ITGA11: variants seen among roughly 807,000 people sequenced by gnomAD.
The protein encoded by ITGA11 is integrin alpha-11.
A neutral mutation model predicts 141.9 loss-of-function variants in ITGA11; 97 were observed. That is an observed-to-expected ratio of 0.68 (90% confidence interval 0.58 to 0.81). The LOEUF is 0.81. Among genes scored for constraint, ITGA11 ranks in the 30% least tolerant of loss-of-function variants. The probability of loss-of-function intolerance (pLI) is 0.00; values close to 1 mark genes in which losing one functional copy is unlikely to be tolerated. For synonymous variants in ITGA11, 658 were observed against 624.6 expected, an observed-to-expected ratio of 1.05 and a Z score of -0.80; for missense variants, 1,387 against 1,559.2, an observed-to-expected ratio of 0.89 and a Z score of 1.86.
rs1462383206 is a variant in ITGA11, at chr15:68,296,533, G to T, written c.*6526C>A. The T allele has an allele frequency of 6.6e-6, 1 of 152,008 alleles. No individual in the cohort carries two copies. Among genetic ancestry groups the T allele is most frequent in the African/African-American group, 2.4e-5 (1 of 41,396 alleles). The allele number at this position is 152,008 out of a possible 1,614,324, so 9.4% of individuals were successfully genotyped here. On this transcript the variant is annotated 3_prime_UTR_variant, in exon 30 of 30. Transcript: ENST00000315757. The stretch of plus-strand genomic sequence containing the variant: ...TGATTAATGAAAAATAGCATTTCAT[G>T]GTTTGATTTGTATGCCTTTATTATG...
chr15:68,373,839 G>A (rs1895658160), intron 2 of ITGA11, among the ~76,000 whole-genome samples: 1 of 152,302 alleles, frequency 6.6e-6, no homozygotes, highest in Middle Eastern at 3.4e-3. Flanking sequence ...TTGACAGTGG[G>A]AGAGCTGAGA....
Position 68,348,809 on chromosome 15 carries a change from GC to G in ITGA11, c.1131+20del, listed in dbSNP as rs1894817174. ...TCGAGAGACAGAGGCTGGGCTCTGTGCCCGTACCTCCACCACATACCTCCAC... is the reference window on the plus strand; with the variant it reads ...TCGAGAGACAGAGGCTGGGCTCTGTGCCGTACCTCCACCACATACCTCCAC... On this transcript the variant is annotated intron_variant, in intron 10 of 29. Coordinates refer to ENST00000315757, the MANE Select transcript of ITGA11 (RefSeq NM_001004439.2). 2 of 1,597,220 alleles carry G rather than the reference GC, an allele frequency of 1.3e-6. No homozygotes were observed. Among genetic ancestry groups the G allele is most frequent in the Non-Finnish European group, 1.7e-6 (2 of 1,171,238 alleles).
At chr15:68,348,007 G>A (rs1033178173) in intron 10 of ITGA11, among the ~76,000 whole-genome samples, 2 of 152,156 alleles carry the variant, frequency 1.3e-5, no homozygotes, top group African/African-American at 4.8e-5. Context: ...AGCACGTATC[G>A]ATACTGACAG....
intron 4 of ITGA11, among the ~76,000 whole-genome samples, chr15:68,362,223 A>G (rs1371109685): frequency 6.6e-6 from 1 of 152,210 alleles, no homozygotes; most frequent in African/African-American, 2.4e-5. Context: ...ATGTTCTACC[A>G]AAAACACTGA....
At position 68,317,296 on chromosome 15, in the gene ITGA11, A is replaced by G. The variant is rs1369460452; in HGVS notation, c.2684T>C (p.Val895Ala). 1.2e-6 allele frequency: 2 copies of G among 1,613,782 alleles called. No individual in the cohort carries two copies. Among genetic ancestry groups the G allele is most frequent in the South Asian group, 2.2e-5 (2 of 91,066 alleles). Residue 895 changes from valine to alanine, a missense_variant, in exon 21 of 30, where the codon GTC becomes GCC. Coordinates refer to ENST00000315757, the MANE Select transcript of ITGA11 (RefSeq NM_001004439.2). ...ERRLQKQVCN[V>A]SYPFFRAKAK... ...CTTGGCCCGGAAGAAGGGATAGCTGACGTTGCAGACTTGCTTCTGGAGCCT... is the reference window on the plus strand; with the variant it reads ...CTTGGCCCGGAAGAAGGGATAGCTGGCGTTGCAGACTTGCTTCTGGAGCCT...
intron 2 of ITGA11, among the ~76,000 whole-genome samples, chr15:68,398,930 A>G (rs1566937822): frequency 6.6e-6 from 1 of 151,618 alleles, no homozygotes; most frequent in Non-Finnish European, 1.5e-5. Context: ...AATAAATGGT[A>G]GGATATACAT....
chr15:68,304,894 C>T lies in ITGA11; in HGVS notation c.3382-1009G>A, dbSNP rs1236735113. 2.6e-5 allele frequency among the ~76,000 whole-genome samples: 4 copies of T among 152,264 alleles called. No homozygotes were observed. The South Asian group carries it at 8.3e-4, about 32-fold the overall frequency. ...GGAATGTGGCCACCACTCCCACCTC[C>T]TGGGCCTGAGTGCCCTCACATCTCC... On this transcript the variant is annotated intron_variant, in intron 28 of 29. Coordinates refer to ENST00000315757, the MANE Select transcript of ITGA11 (RefSeq NM_001004439.2). The surrounding 1 kb of genome is among the most constrained non-coding windows in gnomAD (Gnocchi z 6.1).
At chr15:68,342,133 T>C (rs1487977922) in intron 10 of ITGA11, among the ~76,000 whole-genome samples, 1 of 152,124 alleles carries the variant, frequency 6.6e-6, no homozygotes. Flanking sequence ...ATTTTGAGTT[T>C]AGAAAAATCT....
At chr15:68,399,602 A>G (rs1057486086) in intron 2 of ITGA11, among the ~76,000 whole-genome samples, 3 of 152,160 alleles carry the variant, frequency 2.0e-5, no homozygotes, top group African/African-American at 7.2e-5. Flanking sequence ...TGTGGTTCAT[A>G]TACACCACGG....
chr15:68,431,088 CGCA>C (rs1461409527), intron 1 of ITGA11, among the ~76,000 whole-genome samples: 2 of 152,242 alleles, frequency 1.3e-5, no homozygotes, highest in Non-Finnish European at 2.9e-5. Flanking sequence ...GGCCGTCTTC[CGCA>C]GAACAGCATC....
rs1225605372 is a variant in ITGA11, at chr15:68,327,996, C to T, written c.2068+100G>A. On this transcript the variant is annotated intron_variant, in intron 16 of 29. Coordinates refer to ENST00000315757, the MANE Select transcript of ITGA11 (RefSeq NM_001004439.2). ...AAGGTGGCTCTTGGGCGACCTGGCA[C>T]TTAGCACCCATTTTGGGAAAAGCCC... The T allele has an allele frequency of 3.2e-6, 4 of 1,253,048 alleles. No homozygotes were observed. The African/African-American group carries it at 6.0e-5, about 19-fold the overall frequency. 77.6% of individuals were successfully genotyped at this position (1,253,048 alleles called of 1,614,324 possible).
intron 1 of ITGA11, among the ~76,000 whole-genome samples, chr15:68,405,935 T>G (rs1041892596): frequency 2.6e-5 from 4 of 152,062 alleles, no homozygotes; most frequent in Middle Eastern, 3.2e-3. Context: ...GACACACACA[T>G]GCACAGGCCA....
chr15:68,413,501 A>G (rs1436468238), intron 1 of ITGA11, among the ~76,000 whole-genome samples: 1 of 152,226 alleles, frequency 6.6e-6, no homozygotes, highest in East Asian at 1.9e-4. Flanking sequence ...AGACATGTTT[A>G]TAAGTCAACA....
chr15:68,307,507 G>A lies in ITGA11; in HGVS notation c.3286-64C>T. The A allele has an allele frequency of 6.6e-7, 1 of 1,513,954 alleles. No individual in the cohort carries two copies. The highest frequency in any genetic ancestry group is 9.0e-7 in the Non-Finnish European group (1 of 1,110,254). 93.8% of individuals were successfully genotyped at this position (1,513,954 alleles called of 1,614,324 possible). On this transcript the variant is annotated intron_variant, in intron 27 of 29. Coordinates refer to ENST00000315757, the MANE Select transcript of ITGA11 (RefSeq NM_001004439.2). This position sits in a 1 kb window ranked among gnomAD's most constrained non-coding sequence, Gnocchi z 6.1. ...GCTTTTCTTCCCGTCCCCTCCCCAGGCAGCCCCAGGTGGAAGACATCCCAA... is the reference window on the plus strand; with the variant it reads ...GCTTTTCTTCCCGTCCCCTCCCCAGACAGCCCCAGGTGGAAGACATCCCAA...
At chr15:68,396,315 C>A (rs1220893477) in intron 2 of ITGA11, among the ~76,000 whole-genome samples, 4 of 151,952 alleles carry the variant, frequency 2.6e-5, no homozygotes, top group Non-Finnish European at 5.9e-5. Flanking sequence ...TGAAGGAGAA[C>A]CTTATGTCAG....
chr15:68,307,559 C>A lies in ITGA11; in HGVS notation c.3285+27G>T. ...AGCCGCCCCCTTTCCCTTCTTCCTT[C>A]CAGCCCAGCCCAGGGGCTCTACTTA... On this transcript the variant is annotated intron_variant, in intron 27 of 29. Transcript: ENST00000315757. This position sits in a 1 kb window ranked among gnomAD's most constrained non-coding sequence, Gnocchi z 6.1. 1 of 1,569,870 alleles carries A rather than the reference C, an allele frequency of 6.4e-7. No individual in the cohort carries two copies. Among genetic ancestry groups the A allele is most frequent in the East Asian group, 2.3e-5 (1 of 44,436 alleles).
intron 10 of ITGA11, among the ~76,000 whole-genome samples, chr15:68,345,900 C>A (rs182826069): frequency 1.3e-5 from 2 of 152,342 alleles, no homozygotes; most frequent in South Asian, 4.1e-4. Flanking sequence ...TCTAAAATAG[C>A]CCCCAGTGCC....
At chr15:68,405,159 C>CGTTTTTTTTT (rs10647873) in intron 1 of ITGA11, among the ~76,000 whole-genome samples, 10 of 118,928 alleles carry the variant, frequency 8.4e-5, no homozygotes, top group South Asian at 5.6e-4. Context: ...CACTGTCTCC[C>CGTTTTTTTTT]TTTTTTTTTT....
At position 68,402,347 on chromosome 15, in the gene ITGA11, A is replaced by G. The variant is rs1896532488; in HGVS notation, c.164+571T>C. Reference sequence around the variant, plus strand: ...CTCACAACATGGTACATTTAAAAAAAAATCATTGACTTGGATACTTGAAAT... The same window carrying G: ...CTCACAACATGGTACATTTAAAAAAGAATCATTGACTTGGATACTTGAAAT... On this transcript the variant is annotated intron_variant, in intron 2 of 29. Coordinates refer to ENST00000315757, the MANE Select transcript of ITGA11 (RefSeq NM_001004439.2). Among the ~76,000 whole-genome samples, 3 of 152,182 alleles carry G rather than the reference A, an allele frequency of 2.0e-5. No individual in the cohort carries two copies. In the South Asian group the frequency reaches 6.2e-4, roughly 32 times the overall value.
Sources: allele counts gnomAD v4.1 joint callset (sites outside exome capture counted in the v4.1 genomes callset), GRCh38; gene constraint gnomAD v4.1.1; non-coding constraint Gnocchi (gnomAD v3.1); transcripts MANE v1.5; gene names NCBI Gene and HGNC (gene_info 2026-07-23, HGNC 2026-07-21).